Variants in ADGRV1 observed in about 807,000 individuals in gnomAD.
ADGRV1 encodes the protein G-protein coupled receptor 98.
A neutral mutation model predicts 596.2 loss-of-function variants in ADGRV1; 359 were observed. The observed-to-expected ratio is 0.60, with a 90% confidence interval of 0.55 to 0.66. The LOEUF is 0.66. Among genes scored for constraint, ADGRV1 ranks in the 30% least tolerant of loss-of-function variants. ADGRV1 has a pLI of 0.00. For missense variants in ADGRV1, 7,274 were observed against 7,575.6 expected (o/e 0.96, Z 1.48); for synonymous variants, 2,681 against 2,679.2 (o/e 1.00, Z -0.02).
rs1407327239 is a variant in ADGRV1 at position 90,573,406 on chromosome 5, G to C, written c.22+14489G>C. Among the ~76,000 whole-genome samples, 4 of 152,090 alleles carry C rather than the reference G, an allele frequency of 2.6e-5. No individual in the cohort carries two copies. The South Asian group carries it at 8.3e-4, about 31-fold the overall frequency. ...CATAGAGTGTACTTACACAAACCTAGATGGTATAATGAACCACACAGCTGG... is the reference window on the plus strand; with the variant it reads ...CATAGAGTGTACTTACACAAACCTACATGGTATAATGAACCACACAGCTGG... On this transcript the variant is annotated intron_variant, in intron 1 of 89. Transcript: ENST00000405460.
intron 83 of ADGRV1, among the ~76,000 whole-genome samples, chr5:90,940,080 T>C (rs1776043199): frequency 1.3e-5 from 2 of 152,230 alleles, no homozygotes; most frequent in Non-Finnish European, 1.5e-5. Flanking sequence ...CGACTTGTTT[T>C]CTTCTGAAGA....
In ADGRV1 at chr5:90,708,859, C is replaced by T; in HGVS notation, c.8774C>T (p.Thr2925Ile). Residue 2925 changes from threonine (T) to isoleucine (I), a missense_variant, in exon 39 of 90, where the codon ACT becomes ATT. By Grantham distance (89) the Thr-to-Ile change is moderately conservative. Coordinates refer to ENST00000405460, the MANE Select transcript of ADGRV1 (RefSeq NM_032119.4). The stretch of plus-strand genomic sequence containing the variant: ...GAAGAATATTTCCTGGTGAATTTAA[C>T]TTACGTTGGACTTACCATGGCTGCT... ...ELEEYFLVNLTYVGLTMAAST... is the reference protein window; with the variant it reads ...ELEEYFLVNLIYVGLTMAAST... The T allele has an allele frequency of 1.2e-6, 2 of 1,612,388 alleles. No homozygotes were observed. Among genetic ancestry groups the T allele is most frequent in the Non-Finnish European group, 1.7e-6 (2 of 1,178,832 alleles).
chr5:91,142,789 A>T (rs1199365631), intron 87 of ADGRV1, among the ~76,000 whole-genome samples: 1 of 152,208 alleles, frequency 6.6e-6, no homozygotes, highest in Non-Finnish European at 1.5e-5. Flanking sequence ...AATGTTTGCT[A>T]ATAAGTTTAA....
At chr5:90,672,201 T>C (rs1772577854) in intron 21 of ADGRV1, among the ~76,000 whole-genome samples, 1 of 152,362 alleles carries the variant, frequency 6.6e-6, no homozygotes, top group South Asian at 2.1e-4. Context: ...ATTCTACTTA[T>C]CCAGAGAAAG....
At position 90,688,233 on chromosome 5, in the gene ADGRV1, A is replaced by G. The variant is rs200798960; in HGVS notation, c.6491-1628A>G. On this transcript the variant is annotated intron_variant, in intron 29 of 89. Coordinates refer to ENST00000405460, the MANE Select transcript of ADGRV1 (RefSeq NM_032119.4). ...ATGGAACAGAACAGAGCCCTCAGAA[A>G]TAACGCCGCATATCTACAACTATCT... is the stretch of plus-strand genomic sequence containing the variant. Among the ~76,000 whole-genome samples, 273 of 152,326 alleles carry G rather than the reference A, an allele frequency of 1.8e-3. 8 individuals carry two copies. In the East Asian group the frequency reaches 0.045, roughly 25 times the overall value.
chr5:90,933,808 G>A (rs1410374995), intron 83 of ADGRV1, among the ~76,000 whole-genome samples: 1 of 152,140 alleles, frequency 6.6e-6, no homozygotes, highest in Non-Finnish European at 1.5e-5. Flanking sequence ...CACACACAGA[G>A]ATATGTGAGG....
At chr5:90,599,729 C>T (rs1761170084) in intron 1 of ADGRV1, among the ~76,000 whole-genome samples, 1 of 151,932 alleles carries the variant, frequency 6.6e-6, no homozygotes, top group South Asian at 2.1e-4. Flanking sequence ...ACCGAGATGA[C>T]ATGAAATCTC....
intron 87 of ADGRV1, among the ~76,000 whole-genome samples, chr5:91,146,392 G>C (rs1795535083): frequency 6.6e-6 from 1 of 152,206 alleles, no homozygotes; most frequent in South Asian, 2.1e-4. Context: ...TTGAGTTGCT[G>C]TCTGTGACGA....
Position 91,153,401 on chromosome 5 carries a change from A to G in ADGRV1, c.18802+3A>G. ...TTTAATATTTGCATTAAAAACTGGT[A>G]TGTATGAACCCATGAACGACATTAG... is the stretch of plus-strand genomic sequence containing the variant. On this transcript the variant is annotated splice_donor_region_variant and intron_variant, in intron 89 of 89. Transcript: ENST00000405460. 6.3e-7 allele frequency: 1 copy of G among 1,595,674 alleles called. No homozygotes were observed. Among genetic ancestry groups the G allele is most frequent in the Middle Eastern group, 2.0e-4 (1 of 5,086 alleles).
chr5:91,118,729 G>C (rs1793059811), intron 87 of ADGRV1, among the ~76,000 whole-genome samples: 1 of 152,092 alleles, frequency 6.6e-6, no homozygotes, highest in Non-Finnish European at 1.5e-5. Context: ...AGAACCTACT[G>C]AATTGAATTC....
At chr5:90,856,099 C>G (rs900930465) in intron 82 of ADGRV1, among the ~76,000 whole-genome samples, 198 bp downstream of exon 82, 9 of 152,090 alleles carry the variant, frequency 5.9e-5, no homozygotes, top group African/African-American at 1.9e-4. Context: ...ACTGAGGATA[C>G]AGTAAAGAAT....
chr5:90,879,726 C>A (rs145318881), intron 83 of ADGRV1, among the ~76,000 whole-genome samples: 1 of 152,132 alleles, frequency 6.6e-6, no homozygotes, highest in South Asian at 2.1e-4. Flanking sequence ...GCAGGCAAAT[C>A]GCTTGAGGTC....
At chr5:90,613,919 G>A (rs921095299) in intron 1 of ADGRV1, among the ~76,000 whole-genome samples, 1 of 152,078 alleles carries the variant, frequency 6.6e-6, no homozygotes, top group South Asian at 2.1e-4. Flanking sequence ...AGTATGTAAT[G>A]CAGCTCTCCT....
chr5:90,772,749 T>G (rs1757824650), intron 59 of ADGRV1, among the ~76,000 whole-genome samples: 1 of 152,186 alleles, frequency 6.6e-6, no homozygotes, highest in South Asian at 2.1e-4. Flanking sequence ...GAGAAATTAC[T>G]GTACATATAA....
At chr5:90,627,130 C>T (rs1764868434) in intron 6 of ADGRV1, 81 bp from the exon 7 acceptor site, 1 of 734,306 alleles carries the variant, frequency 1.4e-6, no homozygotes, top group Non-Finnish European at 2.1e-6. Context: ...TGTATTGAAA[C>T]ATAATGACTT....
chr5:91,126,455 G>C (rs139592622), intron 87 of ADGRV1, among the ~76,000 whole-genome samples: 30 of 152,310 alleles, frequency 2.0e-4, no homozygotes, highest in Non-Finnish European at 3.8e-4. Flanking sequence ...ACTTAGAGGA[G>C]CTAAAATAGC....
rs114944019 is a variant in ADGRV1 at position 90,706,810 on chromosome 5, C to T, written c.8730+416C>T. ...TATAATACCAGAAACCTGGTGAATT[C>T]TCTTCTGCTTGTTCCCCCTGCTGGT... On this transcript the variant is annotated intron_variant, in intron 38 of 89. Coordinates refer to ENST00000405460, the MANE Select transcript of ADGRV1 (RefSeq NM_032119.4). Among the ~76,000 whole-genome samples the T allele has an allele frequency of 2.9e-3, 432 of 150,522 alleles. 1 individual carries two copies. Among genetic ancestry groups the T allele is most frequent in the African/African-American group, 0.01 (416 of 41,124 alleles).
rs2126915000 is a variant in ADGRV1 at position 91,153,346 on chromosome 5, A to G, written c.18750A>G (p.Ile6250Met). ...SSGGYGQGSL[I>M]ADEESQEFDD... ...GAGGATATGGCCAGGGGTCACTGATAGCCGATGAGGAGTCCCAGGAGTTTG... is the reference window on the plus strand; with the variant it reads ...GAGGATATGGCCAGGGGTCACTGATGGCCGATGAGGAGTCCCAGGAGTTTG... Residue 6250 changes from isoleucine (I) to methionine (M), a missense_variant, in exon 89 of 90, where the codon ATA becomes ATG. Coordinates refer to ENST00000405460, the MANE Select transcript of ADGRV1 (RefSeq NM_032119.4). 1 of 1,612,672 alleles carries G rather than the reference A, an allele frequency of 6.2e-7. No homozygotes were observed. Among genetic ancestry groups the G allele is most frequent in the Non-Finnish European group, 8.5e-7 (1 of 1,179,350 alleles).
chr5:90,788,770 T>C lies in ADGRV1; in HGVS notation c.13893+460T>C, dbSNP rs142220490. On this transcript the variant is annotated intron_variant, in intron 68 of 89. Coordinates refer to ENST00000405460, the MANE Select transcript of ADGRV1 (RefSeq NM_032119.4). ...TAATGCAGAGGGATGACCCATTTTT[T>C]TGAAGTTTGTAAAATACTCTTATTT... Among the ~76,000 whole-genome samples, 437 of 152,210 alleles carry C rather than the reference T, an allele frequency of 2.9e-3. 4 individuals carry two copies. Among genetic ancestry groups the C allele is most frequent in the African/African-American group, 0.01 (417 of 41,532 alleles).
Sources: allele counts gnomAD v4.1 joint callset (sites outside exome capture counted in the v4.1 genomes callset), GRCh38; gene constraint gnomAD v4.1.1; transcripts MANE v1.5; gene names NCBI Gene and HGNC (gene_info 2026-07-23, HGNC 2026-07-21).